Variants in GALK2 observed in about 807,000 individuals in gnomAD.
GALK2 encodes galactokinase 2, also known as N-acetylgalactosamine kinase.
In GALK2, 36 loss-of-function variants were observed where a neutral mutation model predicts 52.4. That is an observed-to-expected ratio of 0.69 (90% confidence interval 0.53 to 0.91). GALK2 has a LOEUF of 0.91. Among genes scored for constraint, GALK2 ranks in the 40% least tolerant of loss-of-function variants. The probability of loss-of-function intolerance (pLI) is 0.00; values close to 1 mark genes in which losing one functional copy is unlikely to be tolerated. For synonymous variants in GALK2, 176 were observed against 199.1 expected, an observed-to-expected ratio of 0.88 and a Z score of 0.98; for missense variants, 579 against 559.1, an observed-to-expected ratio of 1.04 and a Z score of -0.36.
intron 3 of GALK2, among the ~76,000 whole-genome samples, chr15:49,345,513 T>A (rs1417728050): frequency 6.6e-6 from 1 of 152,212 alleles, no homozygotes; most frequent in Non-Finnish European, 1.5e-5. Context: ...TTTTTCCGAA[T>A]TAGATAAAAC....
At chr15:49,195,442 A>C (rs551811552) in intron 1 of GALK2, among the ~76,000 whole-genome samples, 2 of 152,308 alleles carry the variant, frequency 1.3e-5, no homozygotes, top group Admixed American at 1.3e-4. Flanking sequence ...CACGTTTATT[A>C]AGTTTGTTTG....
Position 49,291,112 on chromosome 15 carries a change from C to T in GALK2, c.757-1215C>T, listed in dbSNP as rs569242757. ...CTGGGATGTCAGGCACATGCCACCA[C>T]GCCCAGCTAATTTTTGTATTTTTAG... On this transcript the variant is annotated intron_variant, in intron 7 of 9. Coordinates refer to ENST00000560031, the MANE Select transcript of GALK2 (RefSeq NM_002044.4). Among the ~76,000 whole-genome samples, 18 of 152,154 alleles carry T rather than the reference C, an allele frequency of 1.2e-4. No individual in the cohort carries two copies. In the East Asian group the frequency reaches 3.1e-3, roughly 26 times the overall value.
chr15:49,229,144 G>A (rs1001729906), intron 3 of GALK2, among the ~76,000 whole-genome samples: 12 of 152,154 alleles, frequency 7.9e-5, no homozygotes, highest in Non-Finnish European at 1.2e-4. Flanking sequence ...TCTCAAAGAT[G>A]TACCTATGAT....
At chr15:49,325,096 G>A (rs1004159008) in intron 9 of GALK2, among the ~76,000 whole-genome samples, 40 of 152,086 alleles carry the variant, frequency 2.6e-4, no homozygotes, top group African/African-American at 3.4e-4. Flanking sequence ...CTTTATGGTC[G>A]AATTAGTTCA....
intron 8 of GALK2, among the ~76,000 whole-genome samples, chr15:49,315,458 TG>T (rs1012758935): frequency 3.3e-5 from 5 of 152,196 alleles, no homozygotes; most frequent in Non-Finnish European, 1.5e-5. Context: ...TTGGATTTTT[TG>T]GTATCTGTAT....
At chr15:49,301,069 A>G (rs2035073637) in intron 8 of GALK2, among the ~76,000 whole-genome samples, 1 of 152,088 alleles carries the variant, frequency 6.6e-6, no homozygotes, top group Non-Finnish European at 1.5e-5. Context: ...CTCTTCACTT[A>G]CAAAACTTGT....
intron 5 of GALK2, among the ~76,000 whole-genome samples, chr15:49,251,135 A>G (rs1391851786): frequency 1.3e-5 from 2 of 152,336 alleles, no homozygotes; most frequent in East Asian, 3.9e-4. Flanking sequence ...ACAAGAAAAG[A>G]GAATTACAGG....
chr15:49,166,395 A>G (rs747178919), upstream of GALK2, among the ~76,000 whole-genome samples: 1 of 152,164 alleles, frequency 6.6e-6, no homozygotes, highest in African/African-American at 2.4e-5. Context: ...ATGATTATAT[A>G]CACTAGAGAG....
intron 6 of GALK2, among the ~76,000 whole-genome samples, 161 bp from the exon 7 acceptor site, chr15:49,283,405 G>C (rs1459466612): frequency 1.3e-5 from 2 of 152,216 alleles, no homozygotes; most frequent in East Asian, 1.9e-4. Context: ...CCTGTTCACT[G>C]TTGTATTTCC....
In GALK2 at chr15:49,366,382, G is replaced by T. The variant is rs1485612012; in HGVS notation, c.427-1109G>T. The T allele has an allele frequency of 3.8e-6, 3 of 792,936 alleles. No individual in the cohort carries two copies. The East Asian group carries it at 7.3e-5, about 19-fold the overall frequency. The allele number at this position is 792,936 out of a possible 1,614,324, so 49.1% of individuals were successfully genotyped here. A position where few individuals can be genotyped will look rare whatever the true frequency, so the allele number is the denominator to read the frequency against. ...CAGCACCTCTTTTCTGTGCATTTCT[G>T]GTGTTTTCAAGAAAATGGCAGCTGC... On this transcript the variant is annotated intron_variant, in intron 3 of 3. Transcript: ENST00000558399.
chr15:49,304,220 G>A (rs1376466284), intron 8 of GALK2, among the ~76,000 whole-genome samples: 1 of 152,098 alleles, frequency 6.6e-6, no homozygotes, highest in African/African-American at 2.4e-5. Context: ...ATAAGTAAGT[G>A]TTCTCTTTGT....
intron 3 of GALK2, among the ~76,000 whole-genome samples, chr15:49,341,985 G>T (rs2040802739): frequency 6.6e-6 from 1 of 152,190 alleles, no homozygotes; most frequent in Non-Finnish European, 1.5e-5. Context: ...TCTGTGTGCA[G>T]ATGATAGCAA....
At chr15:49,262,437 C>T (rs56107345) in intron 5 of GALK2, among the ~76,000 whole-genome samples, 18,127 of 151,906 alleles carry the variant, frequency 0.12, 2,783 homozygotes, top group African/African-American at 0.36. Flanking sequence ...TTTTTTATTG[C>T]GTCTATTGAT....
At chr15:49,244,279 GA>G (rs1367030772) in intron 5 of GALK2, among the ~76,000 whole-genome samples, 3 of 151,690 alleles carry the variant, frequency 2.0e-5, no homozygotes, top group Non-Finnish European at 2.9e-5. Context: ...TCTCCAAAGT[GA>G]AAATGTGAAT....
At chr15:49,245,010 CAAAA>C (rs1032035744) in intron 5 of GALK2, among the ~76,000 whole-genome samples, 3 of 151,804 alleles carry the variant, frequency 2.0e-5, no homozygotes, top group African/African-American at 7.2e-5. Context: ...ATAGGAAAAA[CAAAA>C]AAGTTTGTAA....
rs370063191 is a variant in GALK2 at position 49,319,776 on chromosome 15, C to T, written c.1140C>T (p.Pro380=). Residue 380 remains proline (P), a synonymous_variant, in exon 9 of 10, where the codon CCC becomes CCT. Coordinates refer to ENST00000560031, the MANE Select transcript of GALK2 (RefSeq NM_002044.4). ...GGGACATGTATGAGTGCAGCTGCCC[C>T]GAGCTGGATCAGCTGGTGGACATCT... ...SCRDMYECSC[P]ELDQLVDICR... is the part of the protein sequence containing the mutation. 1.9e-4 allele frequency: 308 copies of T among 1,613,872 alleles called. No homozygotes were observed. In the Middle Eastern group the frequency reaches 2.2e-3, roughly 11 times the overall value.
At chr15:49,235,504 GC>G (rs1191933547) in intron 3 of GALK2, 7 of 401,756 alleles carry the variant, frequency 1.7e-5, no homozygotes, top group African/African-American at 1.4e-4. Context: ...TTGGGGGTGT[GC>G]CAAACAGCAG....
At chr15:49,203,791 C>T (rs1033783298) in intron 2 of GALK2, among the ~76,000 whole-genome samples, 7 of 152,082 alleles carry the variant, frequency 4.6e-5, no homozygotes, top group African/African-American at 9.7e-5. Context: ...TTGTCCTTTT[C>T]CCTATGAATG....
chr15:49,340,322 C>T (rs895062758), intron 3 of GALK2, among the ~76,000 whole-genome samples: 3 of 151,986 alleles, frequency 2.0e-5, no homozygotes, highest in African/African-American at 7.2e-5. Flanking sequence ...CTGGAGTACA[C>T]GGTACAGTCC....
Sources: allele counts gnomAD v4.1 joint callset (sites outside exome capture counted in the v4.1 genomes callset), GRCh38; gene constraint gnomAD v4.1.1; transcripts MANE v1.5; gene names NCBI Gene and HGNC (gene_info 2026-07-23, HGNC 2026-07-21).